ITGA6: variants seen among roughly 807,000 people sequenced by gnomAD.
ITGA6 encodes the protein integrin subunit alpha 6.
In ITGA6, 63 loss-of-function variants were observed where a neutral mutation model predicts 133.6. That is an observed-to-expected ratio of 0.47 (90% CI 0.38 to 0.58). The LOEUF (loss-of-function observed/expected upper bound fraction) is 0.58. Among genes scored for constraint, ITGA6 ranks in the 20% least tolerant of loss-of-function variants. The pLI is 0.00. For synonymous variants in ITGA6, 434 were observed against 482.0 expected (o/e 0.90, Z 1.30); for missense variants, 1,068 against 1,309.4 (o/e 0.82, Z 2.85).
chr2:172,472,778 G>A (rs1413731102), intron 5 of ITGA6: 3 of 1,605,450 alleles, frequency 1.9e-6, no homozygotes, highest in Non-Finnish European at 1.7e-6. Flanking sequence ...GTACAGGCCT[G>A]CTGTTTTTGA....
chr2:172,440,073 G>A (rs1231481296), intron 1 of ITGA6, among the ~76,000 whole-genome samples: 1 of 152,162 alleles, frequency 6.6e-6, no homozygotes, highest in African/African-American at 2.4e-5. Context: ...ACATTGGTCA[G>A]CCTTCACTGT....
At chr2:172,453,006 A>T (rs1024486297) in intron 1 of ITGA6, among the ~76,000 whole-genome samples, 2 of 152,180 alleles carry the variant, frequency 1.3e-5, no homozygotes, top group Admixed American at 1.3e-4. Context: ...AGTCTAGTTA[A>T]GGCAGGGAGG....
Position 172,486,176 on chromosome 2 carries a change from C to CAAAAAAAAAAA in ITGA6, c.1855-836_1855-826dup, listed in dbSNP as rs67271824. Among the ~76,000 whole-genome samples the CAAAAAAAAAAA allele has an allele frequency of 2.8e-3, 216 of 77,302 alleles. 8 individuals are homozygous for CAAAAAAAAAAA. The East Asian group carries it at 0.035, about 13-fold the overall frequency. 50.7% of individuals were successfully genotyped at this position (77,302 alleles called of 152,430 possible). A position where few individuals can be genotyped will look rare whatever the true frequency, so the allele number is the denominator to read the frequency against. On this transcript the variant is annotated intron_variant, in intron 13 of 25. Transcript: ENST00000684293. The stretch of plus-strand genomic sequence containing the variant: ...GGCAAAAAGAGTAAGACTCTATCTC[C>CAAAAAAAAAAA]AAAAAAAAAAAAAAAAAAAAACAAC...
intron 24 of ITGA6, among the ~76,000 whole-genome samples, chr2:172,498,412 A>T (rs537548415): frequency 6.6e-5 from 10 of 152,366 alleles, no homozygotes; most frequent in African/African-American, 2.4e-4. Flanking sequence ...CTAAGATATA[A>T]GTCTGGATCT....
chr2:172,462,980 A>G (rs1315314355), intron 1 of ITGA6, among the ~76,000 whole-genome samples: 2 of 152,084 alleles, frequency 1.3e-5, no homozygotes, highest in Non-Finnish European at 2.9e-5. Context: ...TCCCGCTGTC[A>G]TCTCTTAGTG....
Position 172,474,341 on chromosome 2 carries a change from C to T in ITGA6, c.986+76C>T, listed in dbSNP as rs16860502. 4,141 of 1,307,542 alleles carry T rather than the reference C, an allele frequency of 3.2e-3. 88 individuals are homozygous for T. The African/African-American group carries it at 0.051, about 16-fold the overall frequency. The allele number at this position is 1,307,542 out of a possible 1,614,324, so 81.0% of individuals were successfully genotyped here. On this transcript the variant is annotated intron_variant, in intron 6 of 25. Coordinates refer to ENST00000684293, the MANE Select transcript of ITGA6 (RefSeq NM_000210.4). ...AGCTTCTATACGACTGGAGAAGAGC[C>T]GTCCTTTCAGGTTCATTGACGTAAA...
At chr2:172,465,262 A>G in intron 1 of ITGA6, 1 of 513,938 alleles carries the variant, frequency 1.9e-6, no homozygotes, top group East Asian at 3.6e-5. Context: ...TTTAAACACC[A>G]GATCATACCC....
Position 172,487,969 on chromosome 2 carries a change from A to G in ITGA6, c.2333A>G (p.Asn778Ser), listed in dbSNP as rs1686763101. The G allele has an allele frequency of 1.2e-6, 2 of 1,613,630 alleles. No individual in the cohort carries two copies. The highest frequency in any genetic ancestry group is 1.1e-5 in the South Asian group (1 of 91,062). ...DINLKLETTS[N>S]QDNLAPITAK... Reference sequence around the variant, plus strand: ...TTCCTTTTCATTTTCAGAACAAGCAATCAAGATAATTTGGCTCCAATTACA... The same window carrying G: ...TTCCTTTTCATTTTCAGAACAAGCAGTCAAGATAATTTGGCTCCAATTACA... The change falls in exon 18 of 26, where the codon AAT (asparagine) becomes AGT (serine). Residue 778 changes from asparagine to serine, a missense_variant. Asn to Ser is a conservative substitution (Grantham distance 46). Coordinates refer to ENST00000684293, the MANE Select transcript of ITGA6 (RefSeq NM_000210.4).
At chr2:172,446,585 C>G (rs1684777452) in intron 1 of ITGA6, among the ~76,000 whole-genome samples, 1 of 152,194 alleles carries the variant, frequency 6.6e-6, no homozygotes, top group Non-Finnish European at 1.5e-5. Context: ...CAAGTGTGTA[C>G]AGTTTCCTAG....
At chr2:172,469,456 A>G (rs931372327) in intron 4 of ITGA6, 76 bp downstream of exon 4, 2 of 826,732 alleles carry the variant, frequency 2.4e-6, no homozygotes, top group Non-Finnish European at 3.2e-6. Flanking sequence ...ATTTTGAGCT[A>G]AAATGTGTTA....
At chr2:172,430,783 T>G (rs1684074045) in intron 1 of ITGA6, among the ~76,000 whole-genome samples, 1 of 152,210 alleles carries the variant, frequency 6.6e-6, no homozygotes, top group Admixed American at 6.5e-5. Context: ...AAAAGATTAC[T>G]CAATGGTCAG....
intron 23 of ITGA6, chr2:172,495,550 A>G (rs953314691): frequency 3.3e-5 from 5 of 152,264 alleles, no homozygotes; most frequent in Non-Finnish European, 7.3e-5. Context: ...AAAAAAACAA[A>G]AACACCTTCA....
At chr2:172,472,223 C>G (rs1685974051) in intron 5 of ITGA6, among the ~76,000 whole-genome samples, 1 of 152,212 alleles carries the variant, frequency 6.6e-6, no homozygotes, top group African/African-American at 2.4e-5. Flanking sequence ...ACTCAGGAGC[C>G]TGAGGTAGGA....
chr2:172,466,117 A>C (rs1030902689), intron 2 of ITGA6: 2 of 267,540 alleles, frequency 7.5e-6, no homozygotes. Flanking sequence ...CCTGTCTCAG[A>C]TAGAGACTTG....
intron 1 of ITGA6, among the ~76,000 whole-genome samples, chr2:172,439,380 A>G (rs547969385): frequency 2.3e-4 from 35 of 151,994 alleles, no homozygotes; most frequent in African/African-American, 8.2e-4. Context: ...TCGTTTTTCA[A>G]TCTCTTCTTT....
chr2:172,461,250 C>T (rs1685417360), intron 1 of ITGA6, among the ~76,000 whole-genome samples: 1 of 152,038 alleles, frequency 6.6e-6, no homozygotes, highest in Non-Finnish European at 1.5e-5. Context: ...TATTTCTTAT[C>T]GTTAAAGATG....
At chr2:172,484,582 C>T (rs922481805) in intron 11 of ITGA6, among the ~76,000 whole-genome samples, 200 bp from the exon 12 acceptor site, 1 of 151,664 alleles carries the variant, frequency 6.6e-6, no homozygotes, top group African/African-American at 2.4e-5. Flanking sequence ...AACTTTGAAA[C>T]ATTGTTAACA....
rs1190603693 is a variant in ITGA6, at chr2:172,491,329, G to A, written c.2887G>A (p.Glu963Lys). The change falls in exon 22 of 26, where the codon GAG (glutamate) becomes AAG (lysine). Residue 963 changes from glutamate to lysine, a missense_variant and splice_region_variant. Coordinates refer to ENST00000684293, the MANE Select transcript of ITGA6 (RefSeq NM_000210.4). This position sits in a 1 kb window ranked among gnomAD's most constrained non-coding sequence, Gnocchi z 4.4. ...GAGGTTATGGAACAGCACATTTCTAGAGGTATGACCTTGGCTTGAGGCTGT... is the reference window on the plus strand; with the variant it reads ...GAGGTTATGGAACAGCACATTTCTAAAGGTATGACCTTGGCTTGAGGCTGT... ...RSRLWNSTFL[E>K]EYSKLNYLDI... 1 of 1,603,546 alleles carries A rather than the reference G, an allele frequency of 6.2e-7. No individual in the cohort carries two copies.
chr2:172,441,973 G>A (rs569605571), intron 1 of ITGA6, among the ~76,000 whole-genome samples: 5 of 152,194 alleles, frequency 3.3e-5, no homozygotes, highest in East Asian at 3.9e-4. Flanking sequence ...TAAGTACGTC[G>A]GTTCGTGTCC....
Sources: gnomAD v4.1 joint callset for allele counts (sites outside exome capture counted in the v4.1 genomes callset) on GRCh38, gnomAD v4.1.1 for gene constraint, Gnocchi (gnomAD v3.1) non-coding constraint, MANE v1.5 for transcripts, NCBI Gene and HGNC (gene_info 2026-07-23, HGNC 2026-07-21) for gene names.